Variants in HERC4 observed in about 807,000 individuals in gnomAD.
HERC4 encodes the protein HECT and RLD domain containing E3 ubiquitin protein ligase 4.
HERC4 carries 28 observed loss-of-function variants against 124.3 expected under a neutral mutation model. That is an observed-to-expected ratio of 0.23 (90% CI 0.17 to 0.31). The LOEUF is 0.31. Ranked by LOEUF, HERC4 falls within the 10% of genes least tolerant of loss-of-function variation. HERC4 has a pLI of 1.00. For missense variants in HERC4, 713 were observed against 1,229.3 expected, an observed-to-expected ratio of 0.58 and a Z score of 6.28; for synonymous variants, 407 against 421.5, an observed-to-expected ratio of 0.97 and a Z score of 0.42.
chr10:68,061,187 T>A (rs944851299), intron 3 of HERC4, among the ~76,000 whole-genome samples: 2 of 152,172 alleles, frequency 1.3e-5, no homozygotes, highest in African/African-American at 4.8e-5. Flanking sequence ...AAGCAACTTA[T>A]ACCTATGTCA....
chr10:67,999,190 T>TG (rs1337279019), intron 9 of HERC4, among the ~76,000 whole-genome samples: 46 of 152,262 alleles, frequency 3.0e-4, no homozygotes, highest in Admixed American at 2.9e-3. Context: ...TAAATGGTTA[T>TG]GCTCAGCTAT....
At chr10:67,954,332 G>A (rs954253630) in intron 19 of HERC4, 6 of 284,142 alleles carry the variant, frequency 2.1e-5, no homozygotes, top group African/African-American at 1.3e-4. Context: ...TCCTCAAATT[G>A]AAATCAGCAG....
chr10:67,947,675 C>CAGAT (rs2033474314), intron 19 of HERC4, among the ~76,000 whole-genome samples: 1 of 152,082 alleles, frequency 6.6e-6, no homozygotes, highest in Non-Finnish European at 1.5e-5. Context: ...GTACATGGAA[C>CAGAT]ATCTTCTAGG....
At chr10:68,044,259 A>G in intron 4 of HERC4, 145 bp downstream of exon 4, 1 of 655,390 alleles carries the variant, frequency 1.5e-6, no homozygotes, top group East Asian at 3.0e-5. Flanking sequence ...CATCATAAGC[A>G]AGAACCAAAC....
chr10:67,955,181 T>A (rs1181903758), intron 17 of HERC4, 51 bp from the exon 18 acceptor site: 13 of 1,509,388 alleles, frequency 8.6e-6, no homozygotes, highest in Non-Finnish European at 1.2e-5. Context: ...ATAAAGCTAC[T>A]GTGACTGAAA....
intron 8 of HERC4, among the ~76,000 whole-genome samples, chr10:68,022,828 TCAA>T (rs1363905620): frequency 4.0e-5 from 6 of 151,634 alleles, no homozygotes; most frequent in South Asian, 2.1e-4. Flanking sequence ...CTCTGAAAAC[TCAA>T]CAACAACAAA....
At chr10:68,030,020 G>T (rs1404258284) in intron 7 of HERC4, among the ~76,000 whole-genome samples, 2 of 151,998 alleles carry the variant, frequency 1.3e-5, no homozygotes, top group Non-Finnish European at 2.9e-5. Context: ...TTACAGGTGT[G>T]AGCCACTGTG....
chr10:68,061,879 TAAAA>T (rs71470503), intron 3 of HERC4, among the ~76,000 whole-genome samples: 22 of 54,880 alleles, frequency 4.0e-4, no homozygotes, highest in African/African-American at 1.2e-3. Context: ...AGACTCCATT[TAAAA>T]AAAAAAAAAA....
intron 15 of HERC4, among the ~76,000 whole-genome samples, chr10:67,986,738 TG>T (rs1386168719): frequency 6.6e-6 from 1 of 152,190 alleles, no homozygotes. Context: ...ATTCTTCATT[TG>T]CATATGGGAT....
intron 6 of HERC4, 134 bp from the exon 7 acceptor site, chr10:68,033,003 A>G (rs1418570719): frequency 6.5e-6 from 4 of 611,142 alleles, no homozygotes; most frequent in African/African-American, 1.8e-5. Context: ...ATGATTTTGT[A>G]GTACAAGCTT....
At chr10:68,034,244 G>T in intron 5 of HERC4, 58 bp from the exon 6 acceptor site, 1 of 1,240,460 alleles carries the variant, frequency 8.1e-7, no homozygotes, top group Non-Finnish European at 1.2e-6. Context: ...AATTTAATTT[G>T]AAAATAATCA....
intron 11 of HERC4, among the ~76,000 whole-genome samples, chr10:67,991,873 T>G (rs1474045291): frequency 6.6e-6 from 1 of 152,178 alleles, no homozygotes; most frequent in African/African-American, 2.4e-5. Context: ...CTTATACATA[T>G]TTAATTAAGA....
chr10:67,998,145 C>T (rs2132882500), intron 9 of HERC4, among the ~76,000 whole-genome samples: 1 of 151,994 alleles, frequency 6.6e-6, no homozygotes, highest in East Asian at 2.0e-4. Flanking sequence ...GATCCACCTG[C>T]CTCGGCCTCC....
intron 23 of HERC4, among the ~76,000 whole-genome samples, chr10:67,927,889 G>T (rs2031316807): frequency 1.3e-5 from 2 of 152,088 alleles, no homozygotes. Context: ...CTTACATTGT[G>T]GTGGGGGGAA....
intron 3 of HERC4, among the ~76,000 whole-genome samples, chr10:68,058,517 T>C (rs996097045): frequency 8.5e-5 from 13 of 152,200 alleles, no homozygotes; most frequent in African/African-American, 2.7e-4. Flanking sequence ...CACTCTAATA[T>C]TGGTTTTTCT....
chr10:67,937,681 CTTT>C (rs538781630), intron 21 of HERC4, among the ~76,000 whole-genome samples: 5 of 136,464 alleles, frequency 3.7e-5, no homozygotes, highest in Admixed American at 1.5e-4. Context: ...TGGAGAGCAA[CTTT>C]TTTTTTTTTT....
At chr10:68,036,346 G>T (rs975954315) in intron 5 of HERC4, among the ~76,000 whole-genome samples, 15 of 150,416 alleles carry the variant, frequency 1.0e-4, no homozygotes, top group African/African-American at 3.2e-4. Flanking sequence ...TTTAGCAAAT[G>T]AATAAGATAT....
At chr10:68,005,646 C>G (rs1313663069) in intron 9 of HERC4, among the ~76,000 whole-genome samples, 1 of 150,464 alleles carries the variant, frequency 6.6e-6, no homozygotes, top group Non-Finnish European at 1.5e-5. Context: ...GTGAATGTGA[C>G]TTTCTCTGGT....
rs201696333 is a variant in HERC4, at chr10:67,966,791, T to A, written c.1818A>T (p.Lys606Asn). The A allele has an allele frequency of 6.5e-7, 1 of 1,547,820 alleles. No homozygotes were observed. Among genetic ancestry groups the A allele is most frequent in the Admixed American group, 2.1e-5 (1 of 48,502 alleles). ...VLEILHRVNE[K>N]MGQIIQYDKF... ...TATCATACTGTATAATCTGTCCCAT[T>A]TTCTCATTTACCTACAAAAGAAAAT... Residue 606 changes from lysine to asparagine, a missense_variant, in exon 16 of 25, where the codon AAA (lysine) becomes AAT (asparagine). Lys to Asn is a moderately conservative substitution (Grantham distance 94). Transcript: ENST00000373700.
Sources: gnomAD v4.1 joint callset for allele counts (sites outside exome capture counted in the v4.1 genomes callset) on GRCh38, gnomAD v4.1.1 for gene constraint, MANE v1.5 for transcripts, NCBI Gene and HGNC (gene_info 2026-07-23, HGNC 2026-07-21) for gene names.